ANO4: variants seen among roughly 807,000 people sequenced by gnomAD.
ANO4 encodes anoctamin-4.
A neutral mutation model predicts 141.9 loss-of-function variants in ANO4; 69 were observed. The ratio of observed to expected loss-of-function variants is 0.49; its 90% confidence interval spans 0.40 to 0.59. The LOEUF (loss-of-function observed/expected upper bound fraction) is 0.59, where lower values mean the gene tolerates loss of function less well. Among genes scored for constraint, ANO4 ranks in the 20% least tolerant of loss-of-function variants. ANO4 has a pLI of 0.00. For synonymous variants in ANO4, 350 were observed against 394.3 expected, an observed-to-expected ratio of 0.89 and a Z score of 1.33; for missense variants, 894 against 1,162.2, an observed-to-expected ratio of 0.77 and a Z score of 3.36.
Position 101,031,308 on chromosome 12 carries a change from C to G in ANO4, c.842-5787C>G, listed in dbSNP as rs146116717. On this transcript the variant is annotated intron_variant, in intron 9 of 27. Transcript: ENST00000392977. ...ACATAAATCAATAAATGTAATCCCT[C>G]ACATAAACGGAACCAAAGACAAAAA... 4.8e-3 allele frequency among the ~76,000 whole-genome samples: 726 copies of G among 152,306 alleles called. 10 individuals carry two copies. The highest frequency in any genetic ancestry group is 0.016 in the African/African-American group (669 of 41,558).
intron 8 of ANO4, among the ~76,000 whole-genome samples, chr12:101,015,693 C>A (rs2046288804): frequency 6.6e-6 from 1 of 152,070 alleles, no homozygotes; most frequent in Non-Finnish European, 1.5e-5. Flanking sequence ...TAGACCTGAC[C>A]AAATGGCCCT....
upstream of ANO4, among the ~76,000 whole-genome samples, chr12:100,793,429 C>T (rs1484013102): frequency 6.6e-6 from 1 of 152,162 alleles, no homozygotes; most frequent in Non-Finnish European, 1.5e-5. Context: ...CTCAGCCCTT[C>T]CTTTTAAGCT....
chr12:100,987,593 G>T lies in ANO4; in HGVS notation c.657G>T (p.Arg219Ser), dbSNP rs1020243865. Residue 219 changes from arginine to serine, a missense_variant, in exon 8 of 28, where the codon AGG (arginine) becomes AGT (serine). Arg to Ser is a moderately radical substitution (Grantham distance 110). Around this residue, in one of 2 missense-constraint regions of ANO4, gnomAD observed 637 missense variants for 909.2 expected, o/e 0.70. Coordinates refer to ENST00000392977, the MANE Select transcript of ANO4 (RefSeq NM_001286615.2). ...FRRWLPKKPM[R>S]LDKETLPDLE... ...GATGGTTACCTAAGAAGCCAATGAG[G>T]CTGGACAAGGAGACACTGCCAGACC... 1 of 1,614,054 alleles carries T rather than the reference G, an allele frequency of 6.2e-7. No individual in the cohort carries two copies. Among genetic ancestry groups the T allele is most frequent in the Non-Finnish European group, 8.5e-7 (1 of 1,179,990 alleles).
intron 1 of ANO4, among the ~76,000 whole-genome samples, chr12:100,832,150 A>G (rs1593457396): frequency 6.6e-6 from 1 of 151,716 alleles, no homozygotes; most frequent in Non-Finnish European, 1.5e-5. Context: ...CTCATTCCCC[A>G]CCCCCCAATC....
intron 8 of ANO4, among the ~76,000 whole-genome samples, chr12:101,015,224 A>C (rs1157460505): frequency 6.6e-6 from 1 of 152,166 alleles, no homozygotes; most frequent in Non-Finnish European, 1.5e-5. Context: ...CCAGCCACCC[A>C]GTTCTCCCCA....
chr12:101,122,811 A>G (rs985036731), intron 26 of ANO4, among the ~76,000 whole-genome samples: 7 of 151,662 alleles, frequency 4.6e-5, no homozygotes, highest in Non-Finnish European at 1.0e-4. Flanking sequence ...AGCATTTTCC[A>G]ATAGGACTGG....
At chr12:100,960,403 T>C (rs1379455366) in intron 5 of ANO4, among the ~76,000 whole-genome samples, 2 of 152,142 alleles carry the variant, frequency 1.3e-5, no homozygotes, top group Admixed American at 1.3e-4. Context: ...TTGACAGTTT[T>C]GTATAACCTT....
intron 2 of ANO4, among the ~76,000 whole-genome samples, 158 bp from the exon 3 acceptor site, chr12:100,922,067 CT>C (rs71820018): frequency 9.2e-4 from 131 of 142,390 alleles, no homozygotes; most frequent in African/African-American, 1.4e-3. Context: ...GTATATGTTC[CT>C]TTTTTTTTTT....
rs538411455 is a variant in ANO4, at chr12:100,797,648, CT to C, written c.-141+2632del. Reference sequence around the variant, plus strand: ...TGTAGATGCAGTTGATGCAGTTATTCTTTTTTTTTTTACACTCTTTAATTAC... The same window carrying C: ...TGTAGATGCAGTTGATGCAGTTATTCTTTTTTTTTTACACTCTTTAATTAC... On this transcript the variant is annotated intron_variant, in intron 1 of 27. Coordinates refer to ENST00000392977, the MANE Select transcript of ANO4 (RefSeq NM_001286615.2). 1.1e-3 allele frequency among the ~76,000 whole-genome samples: 163 copies of C among 142,034 alleles called. 1 individual carries two copies. The highest frequency in any genetic ancestry group is 2.2e-3 in the African/African-American group (85 of 38,898). 93.2% of individuals were successfully genotyped at this position (142,034 alleles called of 152,430 possible).
intron 9 of ANO4, among the ~76,000 whole-genome samples, chr12:101,032,369 G>T (rs1220386015): frequency 6.6e-6 from 1 of 152,168 alleles, no homozygotes; most frequent in African/African-American, 2.4e-5. Flanking sequence ...TGGGAAAACG[G>T]GCTAGCCATA....
intron 8 of ANO4, among the ~76,000 whole-genome samples, chr12:100,997,073 C>T (rs148618470): frequency 3.9e-4 from 59 of 152,050 alleles, no homozygotes; most frequent in African/African-American, 1.4e-3. Context: ...TGGTGGCTCA[C>T]GCCTGTAATC....
chr12:100,742,205 T>C (rs939341448), intron 3 of ANO4, among the ~76,000 whole-genome samples: 3 of 152,158 alleles, frequency 2.0e-5, no homozygotes, highest in Non-Finnish European at 4.4e-5. Flanking sequence ...CATTTTATCA[T>C]AGAAAGTTAT....
chr12:101,006,413 T>G (rs2045874040), intron 8 of ANO4, among the ~76,000 whole-genome samples: 3 of 152,268 alleles, frequency 2.0e-5, no homozygotes, highest in Non-Finnish European at 4.4e-5. Flanking sequence ...TGCTTCTTTC[T>G]TAAGACCTGT....
intron 1 of ANO4, among the ~76,000 whole-genome samples, chr12:100,884,977 G>A (rs2135968508): frequency 6.6e-6 from 1 of 152,322 alleles, no homozygotes; most frequent in East Asian, 1.9e-4. Context: ...TTACAGGCAT[G>A]AGCCACCATA....
chr12:100,881,607 G>A (rs551160672), intron 1 of ANO4, among the ~76,000 whole-genome samples: 48 of 152,248 alleles, frequency 3.2e-4, no homozygotes, highest in Middle Eastern at 6.8e-3. Context: ...CTCTGCTGCC[G>A]AAATTGTTGT....
chr12:101,084,535 A>T (rs191262155), intron 16 of ANO4, among the ~76,000 whole-genome samples: 1 of 152,174 alleles, frequency 6.6e-6, no homozygotes, highest in Non-Finnish European at 1.5e-5. Context: ...AATGATGAGT[A>T]TATAAATATA....
chr12:101,040,762 AC>A (rs2047381310), intron 11 of ANO4, among the ~76,000 whole-genome samples: 1 of 84,306 alleles, frequency 1.2e-5, no homozygotes. Context: ...CTAGCCCCCC[AC>A]CCCCCATAGG....
At chr12:100,729,305 G>T (rs572390344) in intron 1 of ANO4, among the ~76,000 whole-genome samples, 5 of 117,178 alleles carry the variant, frequency 4.3e-5, no homozygotes, top group African/African-American at 1.6e-4. Context: ...AGTGAGCTGA[G>T]ATCACACAAT....
chr12:100,886,359 A>G (rs1468221080), intron 1 of ANO4, among the ~76,000 whole-genome samples: 6 of 144,326 alleles, frequency 4.2e-5, no homozygotes, highest in African/African-American at 1.1e-4. Context: ...AATTTCATAC[A>G]AAAGTATGTT....
Sources: gnomAD v4.1 joint callset for allele counts (sites outside exome capture counted in the v4.1 genomes callset) on GRCh38, gnomAD v4.1.1 for gene constraint, gnomAD v4.1.1 regional missense constraint, MANE v1.5 for transcripts, NCBI Gene and HGNC (gene_info 2026-07-23, HGNC 2026-07-21) for gene names.